Variants in FRMPD4 observed in about 807,000 individuals in gnomAD.
The protein encoded by FRMPD4 is FERM and PDZ domain-containing protein 4.
FRMPD4 carries 22 observed loss-of-function variants against 94.1 expected under a neutral mutation model. That is an observed-to-expected ratio of 0.23 (90% CI 0.17 to 0.33). The LOEUF (loss-of-function observed/expected upper bound fraction) is 0.33, where lower values mean the gene tolerates loss of function less well. Among genes scored for constraint, FRMPD4 ranks in the 10% least tolerant of loss-of-function variants. The pLI is 1.00. For missense variants in FRMPD4, 1,111 were observed against 1,339.9 expected, an observed-to-expected ratio of 0.83 and a Z score of 2.67; for synonymous variants, 631 against 548.6, an observed-to-expected ratio of 1.15 and a Z score of -2.10.
chrX:12,191,948 G>A (rs2056497582), intron 1 of FRMPD4, among the ~76,000 whole-genome samples: 1 of 111,779 alleles, frequency 8.9e-6, no homozygotes, highest in Admixed American at 9.4e-5. Context: ...GATTTTGATA[G>A]TTGGGGAGTC....
chrX:11,890,870 G>A (rs7876140), intron 3 of FRMPD4, among the ~76,000 whole-genome samples: 6,892 of 111,664 alleles, frequency 0.062, 517 homozygotes, highest in African/African-American at 0.21. Flanking sequence ...TTGGTGAGCT[G>A]TCACTTCTCT....
chrX:12,689,916 A>G lies in FRMPD4; in HGVS notation c.682-279A>G, dbSNP rs180893159. ...CAACCTTTCTATATCAAGAGCTTAC[A>G]TGATATTAAGCTTCTCCTCCAGCTA... On this transcript the variant is annotated intron_variant, in intron 7 of 16. Transcript: ENST00000675598. 2.9e-3 allele frequency among the ~76,000 whole-genome samples: 321 copies of G among 112,528 alleles called. 1 individual carries two copies. The highest frequency in any genetic ancestry group is 4.6e-3 in the Middle Eastern group (1 of 218).
At chrX:12,238,734 A>G (rs918422811) in intron 1 of FRMPD4, among the ~76,000 whole-genome samples, 1 of 112,240 alleles carries the variant, frequency 8.9e-6, no homozygotes, top group Admixed American at 9.4e-5. Context: ...TACTCTTGTG[A>G]AAACCGTGCC....
chrX:11,973,449 C>T (rs1282713439), intron 3 of FRMPD4, among the ~76,000 whole-genome samples: 5 of 111,482 alleles, frequency 4.5e-5, no homozygotes, highest in African/African-American at 1.6e-4. Flanking sequence ...GTAGCCAGGA[C>T]ATCACCTGGG....
intron 1 of FRMPD4, among the ~76,000 whole-genome samples, chrX:12,256,285 C>T (rs2054113671): frequency 8.9e-6 from 1 of 111,844 alleles, no homozygotes; most frequent in African/African-American, 3.2e-5. Flanking sequence ...TATCCAGTGA[C>T]CTTCCCCACA....
At chrX:12,193,624 C>T (rs771362875) in intron 1 of FRMPD4, among the ~76,000 whole-genome samples, 2 of 103,577 alleles carry the variant, frequency 1.9e-5, no homozygotes, top group Non-Finnish European at 3.9e-5. Flanking sequence ...GAAAGCAAGC[C>T]TCAGATCAAA....
At chrX:12,681,520 C>T (rs928096695) in intron 5 of FRMPD4, among the ~76,000 whole-genome samples, 1 of 111,505 alleles carries the variant, frequency 9.0e-6, no homozygotes, top group Admixed American at 9.6e-5. Flanking sequence ...TTAAAGACGG[C>T]AGCCATTCTC....
intron 3 of FRMPD4, among the ~76,000 whole-genome samples, chrX:11,927,086 G>A (rs1366146670): frequency 9.1e-6 from 1 of 110,260 alleles, no homozygotes; most frequent in Non-Finnish European, 1.9e-5. Context: ...AAAATCACTA[G>A]CATTCCTATA....
At chrX:12,447,067 C>A (rs1374200309) in intron 1 of FRMPD4, among the ~76,000 whole-genome samples, 1 of 111,351 alleles carries the variant, frequency 9.0e-6, no homozygotes, top group Non-Finnish European at 1.9e-5. Context: ...AGATCCCTAG[C>A]AGCCAAAGAC....
chrX:12,453,447 T>C (rs1387694027), intron 1 of FRMPD4, among the ~76,000 whole-genome samples: 1 of 112,230 alleles, frequency 8.9e-6, no homozygotes, highest in Non-Finnish European at 1.9e-5. Context: ...AAAAAAATTA[T>C]GTCTTCTTAA....
chrX:11,951,593 G>A (rs925119390), intron 3 of FRMPD4, among the ~76,000 whole-genome samples: 10 of 111,734 alleles, frequency 8.9e-5, no homozygotes, highest in African/African-American at 3.3e-4. Context: ...GCCTACCTGA[G>A]GGTGAGCAGT....
intron 2 of FRMPD4, among the ~76,000 whole-genome samples, chrX:12,588,950 A>G (rs2058957935): frequency 8.9e-6 from 1 of 112,429 alleles, no homozygotes; most frequent in Non-Finnish European, 1.9e-5. Flanking sequence ...AAACATCCTG[A>G]CACCAATTCT....
At chrX:12,272,074 G>A (rs1157230848) in intron 1 of FRMPD4, among the ~76,000 whole-genome samples, 3 of 112,181 alleles carry the variant, frequency 2.7e-5, no homozygotes, top group African/African-American at 3.2e-5. Context: ...CTTTGAATAC[G>A]TTTCCTAAAC....
intron 1 of FRMPD4, among the ~76,000 whole-genome samples, chrX:11,862,964 T>TTG (rs1420593367): frequency 2.2e-5 from 2 of 91,801 alleles, no homozygotes; most frequent in East Asian, 3.3e-4. Context: ...AACTTGGTTT[T>TTG]TTTTTTTTTT....
chrX:12,488,957 C>T (rs1020653350), intron 1 of FRMPD4, among the ~76,000 whole-genome samples: 1 of 112,187 alleles, frequency 8.9e-6, no homozygotes, highest in Non-Finnish European at 1.9e-5. Context: ...TGTTGGAACA[C>T]AGCCATGTCC....
At chrX:12,092,457 T>C (rs1295579461) in intron 3 of FRMPD4, among the ~76,000 whole-genome samples, 1 of 111,689 alleles carries the variant, frequency 9.0e-6, no homozygotes, top group African/African-American at 3.3e-5. Flanking sequence ...TCCCTTTCCA[T>C]TGCGTTACCT....
At chrX:12,446,111 G>A (rs1184571610) in intron 1 of FRMPD4, among the ~76,000 whole-genome samples, 1 of 111,044 alleles carries the variant, frequency 9.0e-6, no homozygotes, top group Non-Finnish European at 1.9e-5. Context: ...CAGGGACTGG[G>A]TAGAAAAGGG....
chrX:12,590,581 A>G (rs12556485), intron 2 of FRMPD4, among the ~76,000 whole-genome samples: 55,818 of 111,022 alleles, frequency 0.5, 10,795 homozygotes, highest in Middle Eastern at 0.67. Context: ...AGTATTGTTG[A>G]ATTGAACCTT....
At chrX:11,848,631 TTCAG>T (rs1254483445) in intron 1 of FRMPD4, among the ~76,000 whole-genome samples, 1 of 110,035 alleles carries the variant, frequency 9.1e-6, no homozygotes, top group African/African-American at 3.3e-5. Context: ...GTGCAGACTC[TTCAG>T]TCAATTTGGG....
Sources: allele counts gnomAD v4.1 joint callset (sites outside exome capture counted in the v4.1 genomes callset), GRCh38; gene constraint gnomAD v4.1.1; transcripts MANE v1.5; gene names NCBI Gene and HGNC (gene_info 2026-07-23, HGNC 2026-07-21).